Variants in TMOD2 observed in about 807,000 individuals in gnomAD.
TMOD2 encodes the protein tropomodulin 2.
TMOD2 carries 22 observed loss-of-function variants against 39.9 expected under a neutral mutation model. The observed-to-expected ratio is 0.55, with a 90% CI of 0.39 to 0.79. The LOEUF is 0.79. TMOD2 is among the 30% of genes least tolerant of loss of function. The pLI is 0.00. For missense variants in TMOD2, 386 were observed against 413.3 expected, an observed-to-expected ratio of 0.93 and a Z score of 0.57; for synonymous variants, 123 against 146.1, an observed-to-expected ratio of 0.84 and a Z score of 1.14.
At chr15:51,777,768 T>G (rs2055899263) in intron 5 of TMOD2, among the ~76,000 whole-genome samples, 1 of 152,198 alleles carries the variant, frequency 6.6e-6, no homozygotes, top group Admixed American at 6.5e-5. Flanking sequence ...GCAAACCGAA[T>G]CCAGCAGCAC....
At chr15:51,776,892 G>T in intron 4 of TMOD2, 40 bp from the exon 5 acceptor site, 3 of 1,519,624 alleles carry the variant, frequency 2.0e-6, no homozygotes, top group Non-Finnish European at 1.8e-6. Context: ...ATCCTAATGT[G>T]CTTCTCCAAA....
chr15:51,772,885 A>G (rs1005100396), intron 3 of TMOD2, among the ~76,000 whole-genome samples: 4 of 152,184 alleles, frequency 2.6e-5, no homozygotes, highest in African/African-American at 9.7e-5. Context: ...TAATATTTGC[A>G]GGGTCCAAGG....
At chr15:51,802,467 G>C (rs1313634533) in intron 8 of TMOD2, among the ~76,000 whole-genome samples, 2 of 152,222 alleles carry the variant, frequency 1.3e-5, no homozygotes, top group African/African-American at 4.8e-5. Context: ...AAACAAAGCA[G>C]CTGTAAGGAT....
At chr15:51,798,074 T>C (rs2056063679) in intron 7 of TMOD2, 123 bp from the exon 8 acceptor site, 1 of 784,584 alleles carries the variant, frequency 1.3e-6, no homozygotes, top group African/African-American at 1.8e-5. Flanking sequence ...AAGTATGATT[T>C]GATGAAGGTT....
chr15:51,802,475 G>C (rs887167567), intron 8 of TMOD2, among the ~76,000 whole-genome samples: 8 of 152,172 alleles, frequency 5.3e-5, no homozygotes, highest in African/African-American at 1.9e-4. Flanking sequence ...CAGCTGTAAG[G>C]ATGCTGAGCA....
chr15:51,790,307 A>G (rs1237354626), intron 7 of TMOD2, among the ~76,000 whole-genome samples: 1 of 152,220 alleles, frequency 6.6e-6, no homozygotes, highest in Admixed American at 6.5e-5. Flanking sequence ...CTAAACCAGG[A>G]AGAAGTTGAA....
chr15:51,776,989 A>G lies in TMOD2; in HGVS notation c.464A>G (p.Asn155Ser). The G allele has an allele frequency of 3.7e-6, 6 of 1,613,996 alleles. No individual in the cohort carries two copies. The highest frequency in any genetic ancestry group is 4.2e-6 in the Non-Finnish European group (5 of 1,179,872). Residue 155 changes from asparagine to serine, a missense_variant, in exon 5 of 10, where the codon AAC (asparagine) becomes AGC (serine). Physicochemically the swap from Asn to Ser is conservative, Grantham distance 46. Transcript: ENST00000249700. ...NNPKFDEETA[N>S]NKGGKGPVRN... ...CCAAAGTTCGATGAAGAAACAGCCAACAATAAAGGTGGCAAAGGACCTGTC... is the reference window on the plus strand; with the variant it reads ...CCAAAGTTCGATGAAGAAACAGCCAGCAATAAAGGTGGCAAAGGACCTGTC...
At chr15:51,783,642 G>A (rs1298053932) in intron 7 of TMOD2, 2 of 151,960 alleles carry the variant, frequency 1.3e-5, no homozygotes, top group South Asian at 2.1e-4. Context: ...TGGTCCCAGC[G>A]ACTTAGGAGG....
chr15:51,771,553 A>T (rs8024441), intron 3 of TMOD2, among the ~76,000 whole-genome samples: 2,314 of 152,304 alleles, frequency 0.015, 84 homozygotes, highest in East Asian at 0.072. Context: ...TAATCCCAGC[A>T]CTTTGGGAGG....
At chr15:51,768,787 A>G (rs919626945) in intron 3 of TMOD2, among the ~76,000 whole-genome samples, 6 of 152,172 alleles carry the variant, frequency 3.9e-5, no homozygotes, top group Admixed American at 1.3e-4. Context: ...TGTCCCGGAA[A>G]TGGGAAATAA....
intron 3 of TMOD2, among the ~76,000 whole-genome samples, chr15:51,769,452 C>T (rs1307280569): frequency 6.6e-6 from 1 of 152,166 alleles, no homozygotes; most frequent in Non-Finnish European, 1.5e-5. Context: ...GAACCACAGG[C>T]AAATAAGACC....
intron 5 of TMOD2, among the ~76,000 whole-genome samples, chr15:51,778,458 C>CA (rs1299351797): frequency 6.8e-6 from 1 of 146,056 alleles, no homozygotes; most frequent in Admixed American, 6.9e-5. Context: ...GCACAATGTG[C>CA]ACATGTACCC....
Position 51,768,405 on chromosome 15 carries a change from T to C in TMOD2, c.270T>C (p.Thr90=). ...QKDREDFVPF[T]GEKKGRVFIP... Reference sequence around the variant, plus strand: ...ACAGAGAGGACTTTGTGCCCTTCACTGGAGAAAAGAAAGGTAAGGACCACA... The same window carrying C: ...ACAGAGAGGACTTTGTGCCCTTCACCGGAGAAAAGAAAGGTAAGGACCACA... Residue 90 remains threonine, a synonymous_variant, in exon 3 of 10, where the codon ACT becomes ACC. Coordinates refer to ENST00000249700, the MANE Select transcript of TMOD2 (RefSeq NM_014548.4). The C allele has an allele frequency of 1.2e-6, 2 of 1,612,614 alleles. No homozygotes were observed. The highest frequency in any genetic ancestry group is 1.7e-6 in the Non-Finnish European group (2 of 1,179,802).
At chr15:51,799,997 C>A (rs2056077558) in intron 8 of TMOD2, among the ~76,000 whole-genome samples, 1 of 152,132 alleles carries the variant, frequency 6.6e-6, no homozygotes, top group South Asian at 2.1e-4. Flanking sequence ...GCTAAGGTTG[C>A]CACATAAAAT....
intron 1 of TMOD2, among the ~76,000 whole-genome samples, chr15:51,756,786 C>T (rs931641275): frequency 2.0e-5 from 3 of 152,226 alleles, no homozygotes; most frequent in African/African-American, 7.2e-5. Flanking sequence ...ACTGAGACTT[C>T]TCCTTATCCC....
intron 1 of TMOD2, among the ~76,000 whole-genome samples, chr15:51,763,775 A>G (rs1337223122): frequency 5.3e-5 from 8 of 152,222 alleles, no homozygotes; most frequent in Non-Finnish European, 5.9e-5. Flanking sequence ...TTAGGTATAT[A>G]CAAGCAATGA....
At chr15:51,753,578 A>G (rs1013312395) in intron 1 of TMOD2, among the ~76,000 whole-genome samples, 18 of 152,020 alleles carry the variant, frequency 1.2e-4, no homozygotes, top group African/African-American at 4.1e-4. Flanking sequence ...CAATTTGGAG[A>G]TAGTTGGGGA....
At chr15:51,755,424 T>C (rs1168905153) in intron 1 of TMOD2, among the ~76,000 whole-genome samples, 2 of 152,174 alleles carry the variant, frequency 1.3e-5, no homozygotes, top group Admixed American at 1.3e-4. Context: ...ATTCCTAGGT[T>C]CCCCTGGTGA....
intron 2 of TMOD2, among the ~76,000 whole-genome samples, 198 bp from the exon 3 acceptor site, chr15:51,768,064 G>T (rs2055827658): frequency 6.6e-6 from 1 of 152,186 alleles, no homozygotes; most frequent in South Asian, 2.1e-4. Flanking sequence ...CTCATTGGGA[G>T]CCCCCTCTCA....
Sources: gnomAD v4.1 joint callset for allele counts (sites outside exome capture counted in the v4.1 genomes callset) on GRCh38, gnomAD v4.1.1 for gene constraint, MANE v1.5 for transcripts, NCBI Gene and HGNC (gene_info 2026-07-23, HGNC 2026-07-21) for gene names.